Variants in ADIPOR2 observed in about 807,000 individuals in gnomAD.
ADIPOR2 encodes adiponectin receptor protein 2.
A neutral mutation model predicts 40.9 loss-of-function variants in ADIPOR2; 18 were observed. The observed-to-expected ratio is 0.44, with a 90% confidence interval of 0.30 to 0.65. The LOEUF is 0.65. Ranked by LOEUF, ADIPOR2 falls within the 30% of genes least tolerant of loss-of-function variation. ADIPOR2 has a pLI of 0.09. For synonymous variants in ADIPOR2, 165 were observed against 166.4 expected (o/e 0.99, Z 0.06); for missense variants, 283 against 479.2 (o/e 0.59, Z 3.82).
intron 1 of ADIPOR2, among the ~76,000 whole-genome samples, chr12:1,712,288 T>C (rs1409303256): frequency 1.3e-5 from 2 of 152,226 alleles, no homozygotes; most frequent in South Asian, 2.1e-4. Context: ...AGATGCATAT[T>C]TGAAGCATCG....
Position 1,781,022 on chromosome 12 carries a change from A to G in ADIPOR2, c.784A>G (p.Ile262Val), listed in dbSNP as rs1263952255. ...CTGTGTGCTGGGCATTGCAGCCATT[A>G]TAGTCTCCCAGTGGGACATGTTTGC... Reference protein sequence around the residue: ...VICVLGIAAIIVSQWDMFATP... With the variant: ...VICVLGIAAIVVSQWDMFATP... The change falls in exon 6 of 8, where the codon ATA (isoleucine) becomes GTA (valine). Residue 262 changes from isoleucine to valine, a missense_variant. Around this residue, in one of 3 missense-constraint regions of ADIPOR2, gnomAD observed 112 missense variants for 249.5 expected, o/e 0.45. Coordinates refer to ENST00000357103, the MANE Select transcript of ADIPOR2 (RefSeq NM_024551.3). The G allele has an allele frequency of 6.2e-7, 1 of 1,613,630 alleles. No individual in the cohort carries two copies. Among genetic ancestry groups the G allele is most frequent in the Non-Finnish European group, 8.5e-7 (1 of 1,179,830 alleles).
At chr12:1,783,433 C>T (rs1257263640) in intron 6 of ADIPOR2, among the ~76,000 whole-genome samples, 12 of 144,912 alleles carry the variant, frequency 8.3e-5, no homozygotes, top group African/African-American at 3.1e-4. Context: ...GAGTTTCACT[C>T]CTGTTGCCCA....
intron 2 of ADIPOR2, among the ~76,000 whole-genome samples, chr12:1,767,882 G>A (rs781238814): frequency 3.9e-5 from 6 of 152,170 alleles, no homozygotes; most frequent in Non-Finnish European, 8.8e-5. Flanking sequence ...GCCCAGTTGA[G>A]CAATGATTAA....
At chr12:1,744,801 A>G (rs1224399140) in intron 1 of ADIPOR2, among the ~76,000 whole-genome samples, 6 of 152,246 alleles carry the variant, frequency 3.9e-5, no homozygotes, top group Admixed American at 6.5e-5. Flanking sequence ...GGAAAAATGG[A>G]ATTAAAAGAT....
intron 1 of ADIPOR2, among the ~76,000 whole-genome samples, chr12:1,748,375 A>G (rs2094761000): frequency 6.6e-6 from 1 of 151,956 alleles, no homozygotes; most frequent in South Asian, 2.1e-4. Context: ...CAGCCTCCCG[A>G]GTAGCTGGAA....
chr12:1,780,385 A>C, intron 4 of ADIPOR2, 66 bp from the exon 5 acceptor site: 1 of 1,358,128 alleles, frequency 7.4e-7, no homozygotes, highest in Non-Finnish European at 9.8e-7. Flanking sequence ...TGAAAACAGA[A>C]TCAGTTATAA....
At chr12:1,698,627 T>C (rs968813781) in intron 1 of ADIPOR2, among the ~76,000 whole-genome samples, 5 of 152,238 alleles carry the variant, frequency 3.3e-5, no homozygotes, top group Non-Finnish European at 7.3e-5. Context: ...ATGGATATGC[T>C]ATAACTTAAT....
At position 1,691,099 on chromosome 12, in the gene ADIPOR2, G is replaced by C. The variant is rs2094625732; in HGVS notation, c.-179G>C. 6.0e-6 allele frequency: 1 copy of C among 165,306 alleles called. No homozygotes were observed. The highest frequency in any genetic ancestry group is 6.5e-5 in the Admixed American group (1 of 15,358). The allele number at this position is 165,306 out of a possible 1,614,324, so 10.2% of individuals were successfully genotyped here. ...GCGGCATCGCGGCGGCGGCAGCGGC[G>C]GCGGCTACACCGGGCTTGGCCCCCT... On this transcript the variant is annotated 5_prime_UTR_variant, in exon 1 of 8. Transcript: ENST00000357103.
intron 1 of ADIPOR2, among the ~76,000 whole-genome samples, chr12:1,731,555 A>G (rs780845862): frequency 1.3e-5 from 2 of 152,180 alleles, no homozygotes; most frequent in Non-Finnish European, 2.9e-5. Flanking sequence ...ACACTTTCTG[A>G]CGCTATCAGT....
intron 2 of ADIPOR2, among the ~76,000 whole-genome samples, chr12:1,760,025 C>T (rs991668929): frequency 5.3e-5 from 8 of 151,106 alleles, no homozygotes; most frequent in African/African-American, 9.8e-5. Context: ...GACTCTGTCT[C>T]GGGGAAAACA....
At chr12:1,753,541 G>A (rs980156311) in intron 1 of ADIPOR2, among the ~76,000 whole-genome samples, 1 of 152,202 alleles carries the variant, frequency 6.6e-6, no homozygotes, top group African/African-American at 2.4e-5. Context: ...TCCTTCCAGG[G>A]TAGTCTAGTT....
rs75465695 is a variant in ADIPOR2 at position 1,739,251 on chromosome 12, G to A, written c.-86-15007G>A. On this transcript the variant is annotated intron_variant, in intron 1 of 7. Transcript: ENST00000357103. ...GCGTGTAGTCTAATGGGAGACACAAGTAAATAAGAAACAATGGGTCAAGGT... is the reference window on the plus strand; with the variant it reads ...GCGTGTAGTCTAATGGGAGACACAAATAAATAAGAAACAATGGGTCAAGGT... 5.1e-3 allele frequency among the ~76,000 whole-genome samples: 778 copies of A among 152,304 alleles called. 44 individuals are homozygous for A. In the East Asian group the frequency reaches 0.12, roughly 23 times the overall value.
rs1313055231 is a variant in ADIPOR2, at chr12:1,754,693, TTATTATTACTAC to T, written c.171+182_171+193del. ...AACTTGAAGTCTCTTATCTTTATTA[TTATTATTACTAC>T]TACTACTACTACTACTACTACTACT... is the stretch of plus-strand genomic sequence containing the variant. On this transcript the variant is annotated intron_variant, in intron 2 of 7. Transcript: ENST00000357103. 1.5e-3 allele frequency among the ~76,000 whole-genome samples: 207 copies of T among 136,736 alleles called. 1 individual carries two copies. The highest frequency in any genetic ancestry group is 6.7e-3 in the East Asian group (30 of 4,462). 89.7% of individuals were successfully genotyped at this position (136,736 alleles called of 152,430 possible).
intron 3 of ADIPOR2, among the ~76,000 whole-genome samples, chr12:1,776,480 G>T (rs1862598241): frequency 6.6e-6 from 1 of 152,174 alleles, no homozygotes; most frequent in African/African-American, 2.4e-5. Context: ...ACATTAGCTG[G>T]AAGATAAACC....
At chr12:1,745,436 G>A (rs578093862) in intron 1 of ADIPOR2, among the ~76,000 whole-genome samples, 1 of 152,206 alleles carries the variant, frequency 6.6e-6, no homozygotes, top group Admixed American at 6.5e-5. Context: ...AAATTTTTTT[G>A]TTAGATTTGT....
intron 3 of ADIPOR2, among the ~76,000 whole-genome samples, chr12:1,777,512 G>C (rs751070882): frequency 2.0e-5 from 3 of 148,388 alleles, no homozygotes; most frequent in Non-Finnish European, 4.4e-5. Flanking sequence ...TCAGCCTCCC[G>C]AGTAGGTGGG....
intron 1 of ADIPOR2, among the ~76,000 whole-genome samples, chr12:1,718,553 T>G (rs534003440): frequency 7.5e-4 from 115 of 152,352 alleles, no homozygotes; most frequent in Non-Finnish European, 7.8e-4. Flanking sequence ...TAGTTTACAC[T>G]CAGTGAAATT....
At chr12:1,753,227 C>T (rs576715826) in intron 1 of ADIPOR2, among the ~76,000 whole-genome samples, 1 of 152,312 alleles carries the variant, frequency 6.6e-6, no homozygotes, top group South Asian at 2.1e-4. Flanking sequence ...ACCCTGGTCT[C>T]TTCCTGTTTT....
Position 1,754,394 on chromosome 12 carries a change from A to C in ADIPOR2, c.51A>C (p.Pro17=). 1 of 1,613,360 alleles carries C rather than the reference A, an allele frequency of 6.2e-7. No homozygotes were observed. Among genetic ancestry groups the C allele is most frequent in the African/African-American group, 1.3e-5 (1 of 75,010 alleles). The part of the protein sequence containing the change: ...NRLGCSRTPE[P]DIRLRKGHQL... ...TGGGGTGCAGCAGGACTCCAGAGCC[A>C]GATATAAGGCTCAGAAAAGGGCACC... The change falls in exon 2 of 8, where the codon CCA becomes CCC. Residue 17 remains proline (P), a synonymous_variant. Coordinates refer to ENST00000357103, the MANE Select transcript of ADIPOR2 (RefSeq NM_024551.3).
Sources: gnomAD v4.1 joint callset for allele counts (sites outside exome capture counted in the v4.1 genomes callset) on GRCh38, gnomAD v4.1.1 for gene constraint, gnomAD v4.1.1 regional missense constraint, MANE v1.5 for transcripts, NCBI Gene and HGNC (gene_info 2026-07-23, HGNC 2026-07-21) for gene names.